The following EEIG1 variants were observed in gnomAD, a reference collection of about 807,000 sequenced individuals.
The protein encoded by EEIG1 is estrogen-induced osteoclastogenesis regulator 1.
the EEIG1 span, chr9:127,943,331 G>T: frequency 2.3e-6 from 3 of 1,277,710 alleles, no homozygotes; most frequent in Non-Finnish European, 3.4e-6. Context: ...TCACAAGCAG[G>T]TACTGTTAAC....
the EEIG1 span, chr9:127,945,638 C>T: frequency 6.3e-7 from 1 of 1,575,286 alleles, no homozygotes; most frequent in African/African-American, 1.3e-5. This position sits in a 1 kb window ranked among gnomAD's most constrained non-coding sequence, Gnocchi z 6.5. Flanking sequence ...CAGGGCCAGG[C>T]AGCCACTCAC....
the EEIG1 span, chr9:127,945,366 C>G: frequency 6.3e-7 from 1 of 1,581,698 alleles, no homozygotes; most frequent in Non-Finnish European, 8.6e-7. This position sits in a 1 kb window ranked among gnomAD's most constrained non-coding sequence, Gnocchi z 6.5. Context: ...GTAGGCCTCA[C>G]CTGAAAGAGC....
At chr9:127,959,692 C>T in the EEIG1 span, among the ~76,000 whole-genome samples, 2 of 152,200 alleles carry the variant, frequency 1.3e-5, no homozygotes, top group East Asian at 3.8e-4. Context: ...TCTCCTGCTG[C>T]CATGTGAAGA....
the EEIG1 span, among the ~76,000 whole-genome samples, chr9:127,973,190 A>G: frequency 6.6e-6 from 1 of 152,138 alleles, no homozygotes; most frequent in East Asian, 1.9e-4. The surrounding 1 kb of genome is among the most constrained non-coding windows in gnomAD (Gnocchi z 4.2). Context: ...CTGCAGGGTC[A>G]CTGCATAGCA....
At chr9:127,969,826 T>C in the EEIG1 span, among the ~76,000 whole-genome samples, 3 of 152,078 alleles carry the variant, frequency 2.0e-5, no homozygotes, top group Non-Finnish European at 4.4e-5. Context: ...CACCCAGGGA[T>C]CTCCTCCAGG....
the EEIG1 span, chr9:127,943,224 C>G: frequency 6.2e-7 from 1 of 1,614,176 alleles, no homozygotes; most frequent in Non-Finnish European, 8.5e-7. Flanking sequence ...GGCTCGTAGA[C>G]CCCAGAAGAG....
the EEIG1 span, chr9:127,947,923 A>G: frequency 1.1e-6 from 1 of 879,756 alleles, no homozygotes; most frequent in Middle Eastern, 3.6e-4. Context: ...CAAGGTGATC[A>G]GGTCTCATCA....
the EEIG1 span, among the ~76,000 whole-genome samples, chr9:127,975,784 G>A: frequency 2.0e-5 from 3 of 152,090 alleles, no homozygotes; most frequent in Non-Finnish European, 4.4e-5. Context: ...GCTGCAAGCA[G>A]AGATCTCTTG....
the EEIG1 span, among the ~76,000 whole-genome samples, chr9:127,972,983 C>G: frequency 6.6e-6 from 1 of 152,254 alleles, no homozygotes; most frequent in East Asian, 1.9e-4. This position sits in a 1 kb window ranked among gnomAD's most constrained non-coding sequence, Gnocchi z 4.3. Flanking sequence ...CCCCATAATC[C>G]AAAGCACTTG....
At chr9:127,953,410 T>C in the EEIG1 span, 3 of 652,188 alleles carry the variant, frequency 4.6e-6, no homozygotes, top group South Asian at 1.9e-5. Context: ...TGCCTTTATA[T>C]TGAGTGCAAA....
chr9:127,970,837 C>T, the EEIG1 span, among the ~76,000 whole-genome samples: 5 of 112,454 alleles, frequency 4.4e-5, no homozygotes, highest in Non-Finnish European at 8.1e-5. Flanking sequence ...TTCTCCCACC[C>T]GCCACCTGCT....
the EEIG1 span, among the ~76,000 whole-genome samples, chr9:127,947,328 C>T: frequency 2.0e-5 from 3 of 150,548 alleles, no homozygotes; most frequent in South Asian, 2.1e-4. Flanking sequence ...CCCAGCTACT[C>T]GGGAGGCTGA....
chr9:127,958,242 C>G, the EEIG1 span, among the ~76,000 whole-genome samples: 1 of 152,084 alleles, frequency 6.6e-6, no homozygotes, highest in Non-Finnish European at 1.5e-5. Flanking sequence ...AAGAGCTAAA[C>G]TATAAAATGT....
the EEIG1 span, among the ~76,000 whole-genome samples, chr9:127,979,060 A>C: frequency 6.6e-6 from 1 of 152,134 alleles, no homozygotes; most frequent in East Asian, 1.9e-4. Context: ...TAAGTCGTCC[A>C]CGCTGGTCTT....
At chr9:127,951,674 G>A in the EEIG1 span, among the ~76,000 whole-genome samples, 20 of 152,014 alleles carry the variant, frequency 1.3e-4, no homozygotes, top group African/African-American at 4.6e-4. Context: ...AAAATTAGCC[G>A]GGCGAGGTGG....
chr9:127,950,438 G>A, the EEIG1 span: 1 of 1,613,796 alleles, frequency 6.2e-7, no homozygotes, highest in African/African-American at 1.3e-5. Flanking sequence ...GGATGGAGTT[G>A]TCCTGGCGAG....
At chr9:127,955,235 C>T in the EEIG1 span, among the ~76,000 whole-genome samples, 1 of 152,214 alleles carries the variant, frequency 6.6e-6, no homozygotes, top group African/African-American at 2.4e-5. Context: ...GCAGCCAAGC[C>T]TCCCCTGAGC....
At chr9:127,950,297 C>T in the EEIG1 span, 9 of 935,624 alleles carry the variant, frequency 9.6e-6, no homozygotes, top group Non-Finnish European at 1.1e-5. Context: ...CTCGCCCCTT[C>T]CCGATGTCTA....
At chr9:127,965,819 G>A in the EEIG1 span, among the ~76,000 whole-genome samples, 8 of 152,234 alleles carry the variant, frequency 5.3e-5, no homozygotes, top group Non-Finnish European at 1.0e-4. Flanking sequence ...CAAGGCGTCC[G>A]TCCAGGGGCT....
Sources: gnomAD v4.1 joint callset for allele counts (sites outside exome capture counted in the v4.1 genomes callset) on GRCh38, gnomAD v4.1.1 for gene constraint, Gnocchi (gnomAD v3.1) non-coding constraint, MANE v1.5 for transcripts, NCBI Gene and HGNC (gene_info 2026-07-23, HGNC 2026-07-21) for gene names.